Variants in RPL7L1 observed in about 807,000 individuals in gnomAD.
RPL7L1 encodes ribosomal protein L7 like 1.
A neutral mutation model predicts 30.3 loss-of-function variants in RPL7L1; 20 were observed. That is an observed-to-expected ratio of 0.66 (90% CI 0.46 to 0.96). The LOEUF (loss-of-function observed/expected upper bound fraction) is 0.96. Ranked by LOEUF, RPL7L1 falls within the 40% of genes least tolerant of loss-of-function variation. The pLI, the probability that RPL7L1 is intolerant of heterozygous loss-of-function variation, is 0.00. For synonymous variants in RPL7L1, 107 were observed against 110.1 expected (o/e 0.97, Z 0.18); for missense variants, 271 against 314.9 (o/e 0.86, Z 1.05).
intron 2 of RPL7L1, chr6:42,882,517 C>G (rs576528792): frequency 6.6e-6 from 1 of 150,406 alleles, no homozygotes; most frequent in South Asian, 2.1e-4. Flanking sequence ...TGCTTGAACC[C>G]GAGAGGCGGA....
intron 2 of RPL7L1, 26 bp from the exon 3 acceptor site, chr6:42,883,425 A>T: frequency 6.5e-7 from 1 of 1,528,046 alleles, no homozygotes; most frequent in East Asian, 2.3e-5. Context: ...GCACAAGATG[A>T]TGATGATGGT....
intron 2 of RPL7L1, chr6:42,883,181 G>A (rs6907869): frequency 4.0e-6 from 1 of 250,622 alleles, no homozygotes; most frequent in East Asian, 8.4e-5. Flanking sequence ...ATGCTGGCGT[G>A]GAGTTTAAGG....
In RPL7L1 at chr6:42,886,255, G is replaced by C. The variant is rs1274151075; in HGVS notation, c.560-1G>C. The C allele has an allele frequency of 6.2e-7, 1 of 1,609,894 alleles. No individual in the cohort carries two copies. Among genetic ancestry groups the C allele is most frequent in the South Asian group, 1.1e-5 (1 of 90,966 alleles). On this transcript the variant is annotated splice_acceptor_variant, in intron 5 of 5. Transcript: ENST00000493763. LOFTEE classifies it high-confidence loss of function. Reference sequence around the variant, plus strand: ...GGAATCTGTGCTTTTGTGTTTCTTAGGGAAGTTTGGCGTCATTTGCTTGGA... The same window carrying C: ...GGAATCTGTGCTTTTGTGTTTCTTACGGAAGTTTGGCGTCATTTGCTTGGA...
chr6:42,880,625 G>C, intron 1 of RPL7L1: 1 of 366,344 alleles, frequency 2.7e-6, no homozygotes, highest in Non-Finnish European at 5.0e-6. Flanking sequence ...CGATTCTCCT[G>C]CCTCAGTCTC....
At chr6:42,885,225 C>G (rs974366289) in intron 4 of RPL7L1, among the ~76,000 whole-genome samples, 1 of 151,644 alleles carries the variant, frequency 6.6e-6, no homozygotes, top group Non-Finnish European at 1.5e-5. Flanking sequence ...TGATGTGTGC[C>G]TGTATTCCCA....
chr6:42,882,325 C>T (rs1297748135), intron 2 of RPL7L1: 5 of 131,344 alleles, frequency 3.8e-5, no homozygotes, highest in African/African-American at 1.4e-4. Context: ...GTCAGCTGGG[C>T]TCACATCTGT....
rs1021265662 is a variant in RPL7L1, at chr6:42,880,919, G to T, written c.100G>T (p.Ala34Ser). ...NLLKKRKAYQALKATQAKQAL... is the reference protein window; with the variant it reads ...NLLKKRKAYQSLKATQAKQAL... ...CCTGAAAAAGAGGAAGGCTTATCAAGCCCTCAAAGCCACCCAGGCAAAGCA... is the reference window on the plus strand; with the variant it reads ...CCTGAAAAAGAGGAAGGCTTATCAATCCCTCAAAGCCACCCAGGCAAAGCA... Residue 34 changes from alanine to serine, a missense_variant, in exon 2 of 6, where the codon GCC becomes TCC. Transcript: ENST00000493763. 6.2e-7 allele frequency: 1 copy of T among 1,609,084 alleles called. No homozygotes were observed. The highest frequency in any genetic ancestry group is 1.3e-5 in the African/African-American group (1 of 74,914).
At chr6:42,881,841 TCCGCCGCCTC>T (rs1766091144) in intron 2 of RPL7L1, 1 of 151,912 alleles carries the variant, frequency 6.6e-6, no homozygotes, top group African/African-American at 2.4e-5. Context: ...TACCACAACC[TCCGCCGCCTC>T]CCGGGTTCAA....
intron 2 of RPL7L1, chr6:42,881,926 A>T (rs1396804357): frequency 6.6e-6 from 1 of 151,792 alleles, no homozygotes; most frequent in Non-Finnish European, 1.5e-5. Flanking sequence ...ATGCCCTGCT[A>T]ATTTTTGTAT....
At position 42,886,263 on chromosome 6, in the gene RPL7L1, T is replaced by C; in HGVS notation, c.567T>C (p.Phe189=). 6.2e-7 allele frequency: 1 copy of C among 1,610,848 alleles called. No homozygotes were observed. The highest frequency in any genetic ancestry group is 8.5e-7 in the Non-Finnish European group (1 of 1,178,816). ...TGCTTTTGTGTTTCTTAGGGAAGTTTGGCGTCATTTGCTTGGAAGACCTCA... is the reference window on the plus strand; with the variant it reads ...TGCTTTTGTGTTTCTTAGGGAAGTTCGGCGTCATTTGCTTGGAAGACCTCA... The part of the protein sequence containing the change: ...NTVIEEHLGK[F]GVICLEDLIH... Residue 189 remains phenylalanine, a synonymous_variant, in exon 6 of 6, where the codon TTT becomes TTC. Transcript: ENST00000493763.
Position 42,886,096 on chromosome 6 carries a change from G to A in RPL7L1, c.559+13G>A. 1 of 1,488,644 alleles carries A rather than the reference G, an allele frequency of 6.7e-7. No individual in the cohort carries two copies. The highest frequency in any genetic ancestry group is 1.1e-5 in the South Asian group (1 of 88,602). The allele number at this position is 1,488,644 out of a possible 1,614,324, so 92.2% of individuals were successfully genotyped here. A position where few individuals can be genotyped will look rare whatever the true frequency, so the allele number is the denominator to read the frequency against. ...GAGGAGCACCTGGGTGAGTGCTACA[G>A]CTTAGGGATCAGCTGGGGCAGAAAG... On this transcript the variant is annotated intron_variant, in intron 5 of 5. Coordinates refer to ENST00000493763, the MANE Select transcript of RPL7L1 (RefSeq NM_001366481.3).
At position 42,879,955 on chromosome 6, in the gene RPL7L1, A is replaced by G; in HGVS notation, c.41+4A>G. ...CTAGAAAGATGGCGGAGCAAGAGTGAGTGTTTGGGGCTTTGAATATCTGGA... is the reference window on the plus strand; with the variant it reads ...CTAGAAAGATGGCGGAGCAAGAGTGGGTGTTTGGGGCTTTGAATATCTGGA... On this transcript the variant is annotated splice_donor_region_variant and intron_variant, in intron 1 of 5. Transcript: ENST00000493763. 6.2e-7 allele frequency: 1 copy of G among 1,613,880 alleles called. No individual in the cohort carries two copies.
intron 1 of RPL7L1, 105 bp from the exon 2 acceptor site, chr6:42,880,756 A>C: frequency 1.7e-6 from 1 of 597,976 alleles, no homozygotes. Flanking sequence ...CAGGTAATCC[A>C]CCCACCTCGG....
chr6:42,885,042 A>G (rs1766210630), intron 4 of RPL7L1, among the ~76,000 whole-genome samples: 1 of 152,194 alleles, frequency 6.6e-6, no homozygotes, highest in Non-Finnish European at 1.5e-5. Flanking sequence ...TAAGAGTAGT[A>G]TTCCTGGCCG....
At chr6:42,883,342 G>T in intron 2 of RPL7L1, 109 bp from the exon 3 acceptor site, 1 of 848,204 alleles carries the variant, frequency 1.2e-6, no homozygotes, top group Non-Finnish European at 1.7e-6. Context: ...GCTTCGCATT[G>T]TGGAACACGG....
Position 42,879,951 on chromosome 6 carries a change from A to C in RPL7L1, c.41A>C (p.Glu14Ala). 3 of 1,614,066 alleles carry C rather than the reference A, an allele frequency of 1.9e-6. No individual in the cohort carries two copies. Among genetic ancestry groups the C allele is most frequent in the Non-Finnish European group, 2.5e-6 (3 of 1,179,944 alleles). The change falls in exon 1 of 6, where the codon GAG becomes GCG. Residue 14 changes from glutamate (E) to alanine (A), a missense_variant and splice_region_variant. Transcript: ENST00000493763. ...SCTTRKMAEQ[E>A]QRKIPLVPEN... ...ACCACTAGAAAGATGGCGGAGCAAG[A>C]GTGAGTGTTTGGGGCTTTGAATATC... is the stretch of plus-strand genomic sequence containing the variant.
intron 4 of RPL7L1, 32 bp from the exon 5 acceptor site, chr6:42,885,942 T>G (rs765984819): frequency 8.2e-7 from 1 of 1,213,790 alleles, no homozygotes; most frequent in Non-Finnish European, 1.2e-6. Context: ...TGCCAGGTGC[T>G]GGTGAAAACC....
chr6:42,888,881 T>C lies in RPL7L1; in HGVS notation c.*2417T>C, dbSNP rs1766376340. On this transcript the variant is annotated 3_prime_UTR_variant, in exon 6 of 6. Coordinates refer to ENST00000493763, the MANE Select transcript of RPL7L1 (RefSeq NM_001366481.3). ...CCAATAACAGGGCATCTGGGGATTT[T>C]AATCCTGAAAACAGTGAGTCTGATA... 1 of 152,234 alleles carries C rather than the reference T, an allele frequency of 6.6e-6. No homozygotes were observed. Among genetic ancestry groups the C allele is most frequent in the African/African-American group, 2.4e-5 (1 of 41,458 alleles). 9.4% of individuals were successfully genotyped at this position (152,234 alleles called of 1,614,324 possible).
intron 2 of RPL7L1, chr6:42,883,249 C>T (rs541332983): frequency 8.2e-5 from 34 of 416,282 alleles, no homozygotes; most frequent in East Asian, 3.9e-5. Flanking sequence ...GTTATTTTTC[C>T]CAATAATTCC....
Sources: gnomAD v4.1 joint callset for allele counts (sites outside exome capture counted in the v4.1 genomes callset) on GRCh38, gnomAD v4.1.1 for gene constraint, MANE v1.5 for transcripts, NCBI Gene and HGNC (gene_info 2026-07-23, HGNC 2026-07-21) for gene names.